Variants in EPB41 observed in about 807,000 individuals in gnomAD.
EPB41 encodes erythrocyte membrane protein band 4.1.
Under a neutral mutation model 108.0 loss-of-function variants are expected in EPB41, and 65 were observed. That is an observed-to-expected ratio of 0.60 (90% confidence interval 0.49 to 0.74). EPB41 has a LOEUF of 0.74. EPB41 is among the 30% of genes least tolerant of loss of function. The pLI is 0.00. For missense variants in EPB41, 875 were observed against 1,037.0 expected (o/e 0.84, Z 2.15); for synonymous variants, 336 against 358.9 (o/e 0.94, Z 0.72).
rs536588050 is a variant in EPB41, at chr1:28,962,052, A to G, written c.-7-25379A>G. 6.6e-5 allele frequency among the ~76,000 whole-genome samples: 10 copies of G among 151,772 alleles called. No individual in the cohort carries two copies. In the East Asian group the frequency reaches 1.9e-3, roughly 29 times the overall value. The stretch of plus-strand genomic sequence containing the variant: ...AATGGAGATACTAGGGTGGTGCAAA[A>G]GTAATTGCTTTTACTTTTTTTTTTT... On this transcript the variant is annotated intron_variant, in intron 1 of 20. Coordinates refer to ENST00000343067, the MANE Select transcript of EPB41 (RefSeq NM_001376013.1).
intron 4 of EPB41, among the ~76,000 whole-genome samples, chr1:29,011,176 CAT>C (rs1173558602): frequency 2.8e-5 from 4 of 144,510 alleles, no homozygotes; most frequent in Non-Finnish European, 6.1e-5. Context: ...GCCTAGCCAA[CAT>C]GTTTGGCAAA....
intron 1 of EPB41, among the ~76,000 whole-genome samples, chr1:28,955,937 T>C (rs1033841764): frequency 2.0e-5 from 3 of 152,268 alleles, no homozygotes; most frequent in Non-Finnish European, 2.9e-5. Context: ...ATAACTTTTG[T>C]GATAATTTGA....
intron 7 of EPB41, among the ~76,000 whole-genome samples, chr1:29,027,337 T>C (rs2096732528): frequency 1.4e-5 from 1 of 70,310 alleles, no homozygotes; most frequent in South Asian, 4.4e-4. Flanking sequence ...TCTCTCAACA[T>C]TTTTTTTTTT....
At chr1:28,972,094 T>C (rs2095509427) in intron 1 of EPB41, among the ~76,000 whole-genome samples, 1 of 152,140 alleles carries the variant, frequency 6.6e-6, no homozygotes, top group Non-Finnish European at 1.5e-5. Flanking sequence ...GCTAATTTTT[T>C]GTATCCTTTG....
chr1:29,023,257 G>A (rs886101559), intron 7 of EPB41, among the ~76,000 whole-genome samples: 4 of 151,554 alleles, frequency 2.6e-5, no homozygotes, highest in Admixed American at 6.6e-5. Context: ...GGCCTGCTAA[G>A]GTGCTGGGAT....
chr1:29,061,418 C>T (rs984794543), intron 15 of EPB41, among the ~76,000 whole-genome samples: 5 of 151,880 alleles, frequency 3.3e-5, no homozygotes, highest in South Asian at 2.1e-4. Context: ...TACAGGCGCC[C>T]GCCACCTGTC....
intron 1 of EPB41, among the ~76,000 whole-genome samples, chr1:28,963,426 A>T (rs1468982175): frequency 6.6e-6 from 1 of 151,900 alleles, no homozygotes; most frequent in African/African-American, 2.4e-5. Context: ...AATAAAATGT[A>T]AATCTGAAAG....
At chr1:29,060,343 C>A (rs1646294845) in intron 14 of EPB41, 79 bp from the exon 15 acceptor site, 4 of 1,423,296 alleles carry the variant, frequency 2.8e-6, no homozygotes, top group Non-Finnish European at 3.0e-6. Flanking sequence ...TTTTGGTTTG[C>A]CAATTTTCAG....
intron 4 of EPB41, among the ~76,000 whole-genome samples, chr1:28,998,671 C>T (rs1175359125): frequency 1.3e-5 from 2 of 152,168 alleles, no homozygotes. Flanking sequence ...TATGTTTGAG[C>T]ACTAGGTTAA....
rs960770432 is a variant in EPB41, at chr1:28,901,015, C to T, written c.-8+13805C>T. ...CGAGATCTCAGCTCACTGCAAACTCCGCCTCCCGGGTTCATGCCATTCTCC... is the reference window on the plus strand; with the variant it reads ...CGAGATCTCAGCTCACTGCAAACTCTGCCTCCCGGGTTCATGCCATTCTCC... On this transcript the variant is annotated intron_variant, in intron 1 of 16. Coordinates refer to the EPB41 transcript ENST00000347529. Among the ~76,000 whole-genome samples the T allele has an allele frequency of 6.6e-5, 10 of 151,960 alleles. No individual in the cohort carries two copies. The East Asian group carries it at 7.8e-4, about 12-fold the overall frequency.
chr1:28,920,703 G>A (rs866464720), intron 1 of EPB41, among the ~76,000 whole-genome samples: 11 of 152,004 alleles, frequency 7.2e-5, no homozygotes, highest in Middle Eastern at 3.2e-3. Flanking sequence ...GCAGTGGTGC[G>A]ATCATGGCTC....
rs1396737353 is a variant in EPB41, at chr1:28,887,875, A to G, written c.-8+665A>G. ...GGGTCTCTCTGTCCGGTTCAGGCTC[A>G]GGTTCCCTCTCATCTCTGGGTTCCC... On this transcript the variant is annotated intron_variant, in intron 1 of 16. Coordinates refer to the EPB41 transcript ENST00000347529. This position sits in a 1 kb window ranked among gnomAD's most constrained non-coding sequence, Gnocchi z 4.9. Among the ~76,000 whole-genome samples, 1 of 152,220 alleles carries G rather than the reference A, an allele frequency of 6.6e-6. No individual in the cohort carries two copies. The highest frequency in any genetic ancestry group is 1.5e-5 in the Non-Finnish European group (1 of 68,020).
chr1:28,892,241 G>T (rs75170797), intron 1 of EPB41, among the ~76,000 whole-genome samples: 1 of 151,998 alleles, frequency 6.6e-6, no homozygotes, highest in Non-Finnish European at 1.5e-5. Context: ...CCCATGCTGG[G>T]TCCCTCCAAA....
intron 8 of EPB41, among the ~76,000 whole-genome samples, chr1:29,031,189 A>G (rs567078425): frequency 3.3e-5 from 5 of 152,304 alleles, no homozygotes; most frequent in African/African-American, 1.2e-4. Context: ...CCACCCTCAG[A>G]ATAAAGTTTC....
chr1:28,888,740 G>T (rs956254905), intron 1 of EPB41, among the ~76,000 whole-genome samples: 1 of 152,156 alleles, frequency 6.6e-6, no homozygotes, highest in South Asian at 2.1e-4. Flanking sequence ...CCATTCTCCT[G>T]CCTCAGCCTC....
chr1:28,935,917 C>T (rs78167812), intron 1 of EPB41, among the ~76,000 whole-genome samples: 1 of 119,746 alleles, frequency 8.4e-6, no homozygotes, highest in Non-Finnish European at 1.9e-5. Flanking sequence ...GACTCTGTTT[C>T]AAAAAAAAAA....
rs147365405 is a variant in EPB41, at chr1:29,005,760, G to A, written c.787-6105G>A. ...AAGAAGGAGGGAGAGAGTATTCCAAGTAGAAGAAACCACTTGTAAGAAGGT... is the reference window on the plus strand; with the variant it reads ...AAGAAGGAGGGAGAGAGTATTCCAAATAGAAGAAACCACTTGTAAGAAGGT... On this transcript the variant is annotated intron_variant, in intron 4 of 20. Transcript: ENST00000343067. Among the ~76,000 whole-genome samples the A allele has an allele frequency of 7.7e-3, 1,177 of 152,292 alleles. 9 individuals carry two copies. Among genetic ancestry groups the A allele is most frequent in the Non-Finnish European group, 0.014 (940 of 68,022 alleles).
At chr1:29,087,367 C>G (rs1361151077) in intron 16 of EPB41, among the ~76,000 whole-genome samples, 1 of 151,776 alleles carries the variant, frequency 6.6e-6, no homozygotes, top group Non-Finnish European at 1.5e-5. Context: ...CACCCATATC[C>G]TGCTTTTTTT....
rs760095510 is a variant in EPB41 at position 29,065,194 on chromosome 1, G to A, written c.2184+36G>A. The A allele has an allele frequency of 2.5e-5, 38 of 1,533,986 alleles. No homozygotes were observed. Among genetic ancestry groups the A allele is most frequent in the Non-Finnish European group, 3.1e-5 (35 of 1,141,226 alleles). ...TGTCCACATGACCAATTGTGAAAAT[G>A]GAGGGAATAAATGTTTTTATGTATT... On this transcript the variant is annotated intron_variant, in intron 16 of 20. Coordinates refer to ENST00000343067, the MANE Select transcript of EPB41 (RefSeq NM_001376013.1).
Sources: allele counts gnomAD v4.1 joint callset (sites outside exome capture counted in the v4.1 genomes callset), GRCh38; gene constraint gnomAD v4.1.1; non-coding constraint Gnocchi (gnomAD v3.1); transcripts MANE v1.5; gene names NCBI Gene and HGNC (gene_info 2026-07-23, HGNC 2026-07-21).